RBFOX1: variants seen among roughly 807,000 people sequenced by gnomAD.
RBFOX1 encodes RNA binding fox-1 homolog 1.
In RBFOX1, 8 loss-of-function variants were observed where a neutral mutation model predicts 57.7. The ratio of observed to expected loss-of-function variants is 0.14; its 90% CI spans 0.08 to 0.25. The LOEUF (loss-of-function observed/expected upper bound fraction) is 0.25. RBFOX1 is among the 10% of genes least tolerant of loss of function. The probability of loss-of-function intolerance (pLI) is 1.00; values close to 1 mark genes in which losing one functional copy is unlikely to be tolerated. For synonymous variants in RBFOX1, 326 were observed against 222.4 expected (o/e 1.47, Z -4.15); for missense variants, 611 against 548.5 (o/e 1.11, Z -1.14).
At chr16:5,712,851 C>T (rs556116277) in intron 3 of RBFOX1, among the ~76,000 whole-genome samples, 23 of 152,316 alleles carry the variant, frequency 1.5e-4, no homozygotes, top group African/African-American at 5.1e-4. Flanking sequence ...CACCCAACTT[C>T]CACCCCCACT....
chr16:7,615,213 G>A (rs915421639), intron 10 of RBFOX1, among the ~76,000 whole-genome samples: 1 of 152,096 alleles, frequency 6.6e-6, no homozygotes, highest in Admixed American at 6.6e-5. Flanking sequence ...GGCACCTGTA[G>A]TCCCAGCTAC....
At chr16:7,629,801 G>C (rs1254866284) in intron 10 of RBFOX1, among the ~76,000 whole-genome samples, 1 of 152,186 alleles carries the variant, frequency 6.6e-6, no homozygotes, top group Non-Finnish European at 1.5e-5. Flanking sequence ...TCAGGAGGAG[G>C]CAAGTCATTG....
intron 2 of RBFOX1, among the ~76,000 whole-genome samples, chr16:5,544,537 G>C (rs2151067931): frequency 6.6e-6 from 1 of 152,040 alleles, no homozygotes; most frequent in East Asian, 1.9e-4. Flanking sequence ...AAATAATAAA[G>C]ATCAGAGAGA....
At chr16:5,848,142 A>C (rs1003711129) in intron 3 of RBFOX1, among the ~76,000 whole-genome samples, 2 of 152,102 alleles carry the variant, frequency 1.3e-5, no homozygotes, top group African/African-American at 4.8e-5. Flanking sequence ...AATGGCATAC[A>C]AACTGCATGC....
chr16:5,360,981 A>G (rs1393629141), intron 1 of RBFOX1, among the ~76,000 whole-genome samples: 3 of 152,098 alleles, frequency 2.0e-5, no homozygotes, highest in Admixed American at 2.0e-4. Context: ...CTGATTGATA[A>G]CCATACCAAG....
At chr16:7,412,869 C>T (rs1216649846) in intron 4 of RBFOX1, among the ~76,000 whole-genome samples, 2 of 152,140 alleles carry the variant, frequency 1.3e-5, no homozygotes, top group African/African-American at 4.8e-5. Flanking sequence ...GGTGAAACCC[C>T]GTCTCTACTA....
At chr16:7,442,443 C>G (rs1299274956) in intron 4 of RBFOX1, among the ~76,000 whole-genome samples, 2 of 152,098 alleles carry the variant, frequency 1.3e-5, no homozygotes, top group Admixed American at 6.5e-5. Flanking sequence ...GCATGCTGTA[C>G]AAAATTATTA....
chr16:6,372,491 TTGGG>T (rs1286669680), intron 2 of RBFOX1, among the ~76,000 whole-genome samples: 1 of 147,260 alleles, frequency 6.8e-6, no homozygotes, highest in Non-Finnish European at 1.5e-5. Flanking sequence ...GGAATGGAGA[TTGGG>T]TGGAAGTATA....
intron 3 of RBFOX1, among the ~76,000 whole-genome samples, chr16:5,760,561 A>G (rs967668658): frequency 4.6e-5 from 7 of 152,172 alleles, no homozygotes; most frequent in African/African-American, 1.4e-4. Context: ...ATACCACAGA[A>G]CACTATTTAG....
chr16:6,985,678 A>G (rs2090077970), intron 3 of RBFOX1, among the ~76,000 whole-genome samples: 1 of 151,968 alleles, frequency 6.6e-6, no homozygotes, highest in Non-Finnish European at 1.5e-5. Flanking sequence ...AAATACAAAA[A>G]AGAAAATTAG....
intron 2 of RBFOX1, among the ~76,000 whole-genome samples, chr16:5,468,479 A>G (rs185195785): frequency 6.6e-6 from 1 of 152,184 alleles, no homozygotes; most frequent in Non-Finnish European, 1.5e-5. Context: ...TCTTTTACCA[A>G]GAAAACAGTT....
chr16:5,360,529 C>G (rs940181190), intron 1 of RBFOX1, among the ~76,000 whole-genome samples: 25 of 152,200 alleles, frequency 1.6e-4, no homozygotes, highest in African/African-American at 6.0e-4. Flanking sequence ...TATCAGCTAC[C>G]TGGGCTGAGT....
At chr16:7,196,883 G>A (rs1316000816) in intron 4 of RBFOX1, among the ~76,000 whole-genome samples, 3 of 152,176 alleles carry the variant, frequency 2.0e-5, no homozygotes, top group South Asian at 2.1e-4. Flanking sequence ...TGAGCCAAAG[G>A]TAAATATGCA....
intron 4 of RBFOX1, among the ~76,000 whole-genome samples, chr16:7,267,088 C>A (rs2095172633): frequency 6.6e-6 from 1 of 152,186 alleles, no homozygotes; most frequent in Admixed American, 6.5e-5. Flanking sequence ...GTAGCTCCCA[C>A]TGTGGAGAGT....
intron 1 of RBFOX1, among the ~76,000 whole-genome samples, chr16:5,386,248 G>A (rs1274705290): frequency 6.6e-6 from 1 of 152,014 alleles, no homozygotes; most frequent in Non-Finnish European, 1.5e-5. Flanking sequence ...AACTGGGCTT[G>A]AGAAGGCTGG....
chr16:6,214,679 G>GAAAT (rs2152860940), intron 1 of RBFOX1, among the ~76,000 whole-genome samples: 1 of 126,026 alleles, frequency 7.9e-6, no homozygotes, highest in Non-Finnish European at 1.7e-5. Flanking sequence ...GAGGGAGAAG[G>GAAAT]GGAGAGGGAG....
intron 14 of RBFOX1, among the ~76,000 whole-genome samples, chr16:7,689,123 A>G (rs1011198313): frequency 6.6e-6 from 1 of 152,144 alleles, no homozygotes; most frequent in African/African-American, 2.4e-5. Context: ...AAATGAATAC[A>G]TAGGTATGAC....
chr16:6,050,344 T>A (rs1166333652), intron 1 of RBFOX1, among the ~76,000 whole-genome samples: 4 of 152,210 alleles, frequency 2.6e-5, no homozygotes, highest in African/African-American at 9.6e-5. Flanking sequence ...TTGTTGACCT[T>A]GTTGAAGAAA....
At chr16:6,278,961 G>T (rs940240881) in intron 1 of RBFOX1, among the ~76,000 whole-genome samples, 4 of 151,770 alleles carry the variant, frequency 2.6e-5, no homozygotes, top group African/African-American at 9.7e-5. Context: ...TTTGAAACAA[G>T]GTTTGTGTTC....
Sources: allele counts gnomAD v4.1 joint callset (sites outside exome capture counted in the v4.1 genomes callset), GRCh38; gene constraint gnomAD v4.1.1; transcripts MANE v1.5; gene names NCBI Gene and HGNC (gene_info 2026-07-23, HGNC 2026-07-21).